SH3PXD2A: variants seen among roughly 807,000 people sequenced by gnomAD.
The protein encoded by SH3PXD2A is SH3 and PX domains 2A.
A neutral mutation model predicts 115.2 loss-of-function variants in SH3PXD2A; 32 were observed. The observed-to-expected ratio is 0.28, with a 90% CI of 0.21 to 0.37. SH3PXD2A has a LOEUF of 0.37. SH3PXD2A is among the 10% of genes least tolerant of loss of function. SH3PXD2A has a pLI of 1.00. For missense variants in SH3PXD2A, 1,328 were observed against 1,498.7 expected (o/e 0.89, Z 1.88); for synonymous variants, 610 against 629.1 (o/e 0.97, Z 0.45).
At chr10:103,615,373 G>GTGCC (rs2036496104) in intron 11 of SH3PXD2A, among the ~76,000 whole-genome samples, 1 of 152,246 alleles carries the variant, frequency 6.6e-6, no homozygotes, top group South Asian at 2.1e-4. Flanking sequence ...GGAATCAGGA[G>GTGCC]TGCCTGTGTG....
At chr10:103,667,311 C>T (rs941784897) in intron 7 of SH3PXD2A, among the ~76,000 whole-genome samples, 9 of 152,192 alleles carry the variant, frequency 5.9e-5, no homozygotes, top group Non-Finnish European at 1.0e-4. Context: ...CCCCAGGCTC[C>T]CCACGACTCC....
intron 5 of SH3PXD2A, among the ~76,000 whole-genome samples, chr10:103,701,938 TCATC>T (rs1301402342): frequency 6.9e-6 from 1 of 145,208 alleles, no homozygotes; most frequent in African/African-American, 2.6e-5. Context: ...CATCCATCCT[TCATC>T]CAGCCATCCA....
At position 103,778,290 on chromosome 10, in the gene SH3PXD2A, C is replaced by T. The variant is rs935595455; in HGVS notation, c.154-11121G>A. ...GAGTTTGCAGTGAACCGAGATCGTG[C>T]CACTGCACTCCAGCCTGGGCGATAG... On this transcript the variant is annotated intron_variant, in intron 2 of 14. Transcript: ENST00000369774. 1.5e-4 allele frequency among the ~76,000 whole-genome samples: 23 copies of T among 152,162 alleles called. 1 individual carries two copies. The highest frequency in any genetic ancestry group is 4.6e-4 in the African/African-American group (19 of 41,428).
intron 14 of SH3PXD2A, among the ~76,000 whole-genome samples, chr10:103,604,060 C>G (rs2036263028): frequency 6.6e-6 from 1 of 152,208 alleles, no homozygotes; most frequent in Admixed American, 6.5e-5. Context: ...CCGGGTTGAG[C>G]TGGCCCACTC....
rs2036170492 is a variant in SH3PXD2A, at chr10:103,598,587, A to G, written c.*3229T>C. On this transcript the variant is annotated 3_prime_UTR_variant, in exon 15 of 15. Coordinates refer to ENST00000369774, the MANE Select transcript of SH3PXD2A (RefSeq NM_001394015.1). ...CACATTTTCAGTCGCAACTCATGGG[A>G]AACTAGGTTTGGACACTGCGGAGAT... The G allele has an allele frequency of 6.6e-6, 1 of 152,658 alleles. No individual in the cohort carries two copies. Among genetic ancestry groups the G allele is most frequent in the Non-Finnish European group, 1.5e-5 (1 of 68,036 alleles). 9.5% of individuals were successfully genotyped at this position (152,658 alleles called of 1,614,324 possible).
At chr10:103,690,926 A>G (rs1177219816) in intron 6 of SH3PXD2A, among the ~76,000 whole-genome samples, 1 of 152,120 alleles carries the variant, frequency 6.6e-6, no homozygotes, top group African/African-American at 2.4e-5. Context: ...TAAGCACACC[A>G]ATATAAATTA....
chr10:103,607,332 C>T (rs1374031420), intron 13 of SH3PXD2A, among the ~76,000 whole-genome samples: 11 of 151,652 alleles, frequency 7.3e-5, no homozygotes, highest in Middle Eastern at 3.5e-3. Flanking sequence ...GGAGCCCCTC[C>T]GACCGGCAGC....
chr10:103,615,056 G>A (rs1564844644), intron 11 of SH3PXD2A, among the ~76,000 whole-genome samples: 1 of 152,176 alleles, frequency 6.6e-6, no homozygotes, highest in Non-Finnish European at 1.5e-5. Context: ...AAGGGTGGAT[G>A]GAAGCAACGA....
chr10:103,626,907 AG>A (rs1219692457), intron 9 of SH3PXD2A, among the ~76,000 whole-genome samples, 181 bp downstream of exon 9: 2 of 152,196 alleles, frequency 1.3e-5, no homozygotes, highest in Non-Finnish European at 2.9e-5. Flanking sequence ...ACAGAGCAGC[AG>A]GGGTCGGACT....
chr10:103,651,938 G>A (rs575716901), intron 8 of SH3PXD2A, among the ~76,000 whole-genome samples: 14 of 152,328 alleles, frequency 9.2e-5, no homozygotes, highest in South Asian at 2.1e-4. Flanking sequence ...AACGGGCCCC[G>A]TCACAAGAGG....
At chr10:103,843,371 A>G (rs2039618712) in intron 1 of SH3PXD2A, among the ~76,000 whole-genome samples, 1 of 152,196 alleles carries the variant, frequency 6.6e-6, no homozygotes, top group African/African-American at 2.4e-5. Context: ...CTAAGCAAGC[A>G]TGGGGCTGAA....
At chr10:103,617,392 G>C (rs2036535719) in intron 10 of SH3PXD2A, 78 bp from the exon 11 acceptor site, 1 of 1,048,644 alleles carries the variant, frequency 9.5e-7, no homozygotes, top group Non-Finnish European at 1.5e-6. Context: ...CTCCTGCCCT[G>C]GCCTGGCTTT....
intron 6 of SH3PXD2A, 101 bp downstream of exon 6, chr10:103,692,927 C>T: frequency 3.2e-6 from 3 of 943,168 alleles, no homozygotes; most frequent in Non-Finnish European, 5.0e-6. Flanking sequence ...CAAGGACAAC[C>T]CCCCCCTCCC....
chr10:103,732,418 C>A (rs1232816092), intron 4 of SH3PXD2A, among the ~76,000 whole-genome samples: 1 of 152,196 alleles, frequency 6.6e-6, no homozygotes, highest in Non-Finnish European at 1.5e-5. Context: ...AGACACCTGA[C>A]CCTCAAGTGC....
chr10:103,680,996 T>A (rs57856190), intron 6 of SH3PXD2A, among the ~76,000 whole-genome samples: 4,056 of 152,334 alleles, frequency 0.027, 173 homozygotes, highest in African/African-American at 0.091. Context: ...GGTTGCCTCT[T>A]CTGTCACGTG....
chr10:103,649,388 C>T (rs2037085249), intron 8 of SH3PXD2A, among the ~76,000 whole-genome samples: 2 of 152,208 alleles, frequency 1.3e-5, no homozygotes, highest in South Asian at 4.1e-4. Flanking sequence ...TGACCAAGCT[C>T]CTCTTACGCA....
chr10:103,827,589 G>A (rs1447747593), intron 1 of SH3PXD2A, among the ~76,000 whole-genome samples: 1 of 152,194 alleles, frequency 6.6e-6, no homozygotes, highest in Non-Finnish European at 1.5e-5. Flanking sequence ...TAGGTACATA[G>A]CACACCGCCT....
chr10:103,610,946 G>A (rs1453520639), intron 13 of SH3PXD2A, among the ~76,000 whole-genome samples: 1 of 152,222 alleles, frequency 6.6e-6, no homozygotes, highest in Non-Finnish European at 1.5e-5. Context: ...CTTACTAACA[G>A]TTCTTTGTTC....
intron 5 of SH3PXD2A, among the ~76,000 whole-genome samples, chr10:103,717,573 T>C (rs1313304770): frequency 6.6e-6 from 1 of 151,922 alleles, no homozygotes. Context: ...GATGCAAAGG[T>C]GGATCCTGGG....
Sources: allele counts gnomAD v4.1 joint callset (sites outside exome capture counted in the v4.1 genomes callset), GRCh38; gene constraint gnomAD v4.1.1; transcripts MANE v1.5; gene names NCBI Gene and HGNC (gene_info 2026-07-23, HGNC 2026-07-21).